CFAP251: variants seen among roughly 807,000 people sequenced by gnomAD.
CFAP251 encodes cilia- and flagella-associated protein 251.
In CFAP251, 93 loss-of-function variants were observed where a neutral mutation model predicts 126.7. The observed-to-expected ratio is 0.73, with a 90% CI of 0.62 to 0.87. CFAP251 has a LOEUF of 0.87. Among genes scored for constraint, CFAP251 ranks in the 40% least tolerant of loss-of-function variants. The pLI, the probability that CFAP251 is intolerant of heterozygous loss-of-function variation, is 0.00. For missense variants in CFAP251, 1,287 were observed against 1,389.2 expected, an observed-to-expected ratio of 0.93 and a Z score of 1.17; for synonymous variants, 503 against 506.9, an observed-to-expected ratio of 0.99 and a Z score of 0.10.
At chr12:121,922,274 T>C (rs1278666400) in intron 2 of CFAP251, among the ~76,000 whole-genome samples, 1 of 151,876 alleles carries the variant, frequency 6.6e-6, no homozygotes, top group Non-Finnish European at 1.5e-5. Flanking sequence ...GCCTGGCTGA[T>C]TTTTTTGTAT....
At chr12:121,927,439 A>G (rs988221667) in intron 3 of CFAP251, among the ~76,000 whole-genome samples, 14 of 151,952 alleles carry the variant, frequency 9.2e-5, no homozygotes, top group Non-Finnish European at 1.9e-4. Context: ...CTGGGATTAT[A>G]GGCACGCACC....
At chr12:121,932,374 G>A (rs1880728543) in intron 4 of CFAP251, 1 of 152,152 alleles carries the variant, frequency 6.6e-6, no homozygotes, top group African/African-American at 2.4e-5. Flanking sequence ...AGTAAACAAT[G>A]ACTCTACATC....
intron 19 of CFAP251, among the ~76,000 whole-genome samples, chr12:121,976,524 G>A (rs1006076923): frequency 1.1e-4 from 16 of 152,136 alleles, no homozygotes; most frequent in Admixed American, 2.0e-4. Flanking sequence ...CCTCATGACC[G>A]TGCTGCAGAA....
rs548605086 is a variant in CFAP251 at position 121,973,500 on chromosome 12, A to G, written c.2772-1744A>G. ...ACCATCCTCCAGACCTCAGGATGGT[A>G]GATCCACTGACAGCTTGCACTGTTT... On this transcript the variant is annotated intron_variant, in intron 17 of 21. Coordinates refer to ENST00000288912, the MANE Select transcript of CFAP251 (RefSeq NM_144668.6). Among the ~76,000 whole-genome samples, 13 of 152,278 alleles carry G rather than the reference A, an allele frequency of 8.5e-5. 1 individual carries two copies. The East Asian group carries it at 2.3e-3, about 27-fold the overall frequency.
intron 7 of CFAP251, 168 bp from the exon 8 acceptor site, chr12:121,948,816 C>T: frequency 2.1e-6 from 1 of 465,918 alleles, no homozygotes; most frequent in Non-Finnish European, 3.7e-6. Context: ...TTATTTTAAT[C>T]ACCAGTATTT....
At chr12:121,993,049 TGCCATCTCG>T (rs1337825782) in intron 19 of CFAP251, among the ~76,000 whole-genome samples, 1 of 139,102 alleles carries the variant, frequency 7.2e-6, no homozygotes. Context: ...ACTGTACTGC[TGCCATCTCG>T]GCTCACTGCA....
chr12:121,962,036 A>G lies in CFAP251; in HGVS notation c.2366A>G (p.His789Arg). The change falls in exon 15 of 22, where the codon CAC becomes CGC. Residue 789 changes from histidine (H) to arginine (R), a missense_variant. His to Arg is a conservative substitution (Grantham distance 29). Transcript: ENST00000288912. ...CACCTGGAAGTCCTGGACATTCACC[A>G]CACCGACCAGGGCTGCTATCCCACC... ...KDHLEVLDIH[H>R]TDQGCYPTCM... is the part of the protein sequence containing the mutation. 5.6e-6 allele frequency: 9 copies of G among 1,613,914 alleles called. No homozygotes were observed. The highest frequency in any genetic ancestry group is 7.6e-6 in the Non-Finnish European group (9 of 1,180,026).
At chr12:121,942,867 A>C (rs746460895) in intron 6 of CFAP251, 28 bp from the exon 7 acceptor site, 14 of 1,612,650 alleles carry the variant, frequency 8.7e-6, no homozygotes, top group Middle Eastern at 3.3e-4. Flanking sequence ...AGACCTTCTC[A>C]TGCCCCTCTC....
chr12:121,972,838 T>C (rs1415217559), intron 17 of CFAP251, among the ~76,000 whole-genome samples: 1 of 152,168 alleles, frequency 6.6e-6, no homozygotes, highest in Non-Finnish European at 1.5e-5. Context: ...GTGACTTGGG[T>C]GCTGTTAAAG....
chr12:121,951,341 G>C (rs2135774121), intron 8 of CFAP251, 139 bp from the exon 9 acceptor site: 2 of 479,808 alleles, frequency 4.2e-6, no homozygotes, highest in East Asian at 6.1e-5. Context: ...TATTTCCCAA[G>C]ACAGCAAGTT....
At chr12:121,976,889 C>T (rs1222557495) in intron 19 of CFAP251, among the ~76,000 whole-genome samples, 15 of 152,166 alleles carry the variant, frequency 9.9e-5, no homozygotes, top group African/African-American at 1.9e-4. Flanking sequence ...GCCTGGGAGA[C>T]AGAGCGAGAC....
chr12:121,978,119 G>A (rs1408972744), intron 19 of CFAP251, among the ~76,000 whole-genome samples: 3 of 151,350 alleles, frequency 2.0e-5, no homozygotes, highest in South Asian at 2.1e-4. Flanking sequence ...AAGGCCGGGC[G>A]CGGTGGCTCA....
chr12:121,948,731 A>AC (rs1881413721), intron 7 of CFAP251: 5 of 267,748 alleles, frequency 1.9e-5, no homozygotes, highest in Admixed American at 5.7e-5. Context: ...AAAAAAAAAA[A>AC]AGAAAAGCTT....
At position 121,934,349 on chromosome 12, in the gene CFAP251, T is replaced by G; in HGVS notation, c.991T>G (p.Phe331Val). 6.2e-7 allele frequency: 1 copy of G among 1,613,044 alleles called. No individual in the cohort carries two copies. Among genetic ancestry groups the G allele is most frequent in the Non-Finnish European group, 8.5e-7 (1 of 1,179,094 alleles). The change falls in exon 5 of 22, where the codon TTC becomes GTC. Residue 331 changes from phenylalanine (F) to valine (V), a missense_variant. By Grantham distance (50) the Phe-to-Val change is conservative. Coordinates refer to ENST00000288912, the MANE Select transcript of CFAP251 (RefSeq NM_144668.6). ...PDCLVIIWDS[F>V]TGIPVHTIFD... ...CTGCCTGGTGATTATATGGGACTCC[T>G]TCACAGGGTAGGCTTTGTGTAGCCA... is the stretch of plus-strand genomic sequence containing the variant.
intron 17 of CFAP251, chr12:121,971,769 T>C (rs2135796422): frequency 1.7e-6 from 1 of 598,418 alleles, no homozygotes; most frequent in East Asian, 2.9e-5. Flanking sequence ...ATGGTTTGGC[T>C]CTGTGTTCCT....
chr12:121,959,321 G>GC, intron 13 of CFAP251: 1 of 431,470 alleles, frequency 2.3e-6, no homozygotes, highest in Non-Finnish European at 4.1e-6. Flanking sequence ...CACATCTGTA[G>GC]CCCCAGTTAT....
At chr12:121,987,715 CAA>C (rs67772162) in intron 19 of CFAP251, among the ~76,000 whole-genome samples, 77 of 84,982 alleles carry the variant, frequency 9.1e-4, no homozygotes, top group Admixed American at 2.0e-3. Flanking sequence ...GACTCCGTCT[CAA>C]AAAAAAAAAA....
At chr12:121,938,783 G>A (rs868791151) in intron 5 of CFAP251, among the ~76,000 whole-genome samples, 1 of 150,038 alleles carries the variant, frequency 6.7e-6, no homozygotes, top group African/African-American at 2.4e-5. Context: ...AGGCATTCGA[G>A]ACCAGCCTGG....
At chr12:121,963,491 G>A (rs1015999528) in intron 15 of CFAP251, among the ~76,000 whole-genome samples, 2 of 151,578 alleles carry the variant, frequency 1.3e-5, no homozygotes, top group Admixed American at 1.3e-4. Flanking sequence ...TTGAAGGCAC[G>A]AGACGGGGAG....
Sources: gnomAD v4.1 joint callset for allele counts (sites outside exome capture counted in the v4.1 genomes callset) on GRCh38, gnomAD v4.1.1 for gene constraint, MANE v1.5 for transcripts, NCBI Gene and HGNC (gene_info 2026-07-23, HGNC 2026-07-21) for gene names.